The following BRINP3 variants were observed in gnomAD, a reference collection of about 807,000 sequenced individuals.
BRINP3 encodes the protein BMP/retinoic acid-inducible neural-specific protein 3.
A neutral mutation model predicts 71.0 loss-of-function variants in BRINP3; 19 were observed. The observed-to-expected ratio is 0.27, with a 90% CI of 0.19 to 0.39. BRINP3 has a LOEUF of 0.39. Ranked by LOEUF, BRINP3 falls within the 10% of genes least tolerant of loss-of-function variation. The pLI is 1.00. For synonymous variants in BRINP3, 380 were observed against 337.7 expected (o/e 1.13, Z -1.37); for missense variants, 959 against 940.8 (o/e 1.02, Z -0.25).
intron 6 of BRINP3, among the ~76,000 whole-genome samples, chr1:190,213,158 A>C (rs1213612117): frequency 1.3e-5 from 2 of 151,952 alleles, no homozygotes; most frequent in Admixed American, 6.6e-5. Flanking sequence ...TACCCAACAC[A>C]CTCAGATGTC....
chr1:190,139,166 C>A (rs376821604), intron 7 of BRINP3, among the ~76,000 whole-genome samples: 1 of 151,128 alleles, frequency 6.6e-6, no homozygotes, highest in African/African-American at 2.4e-5. Flanking sequence ...AAAAAATGAT[C>A]GGCCCGGAGC....
At chr1:190,381,672 A>G (rs1437679626) in intron 2 of BRINP3, among the ~76,000 whole-genome samples, 1 of 152,118 alleles carries the variant, frequency 6.6e-6, no homozygotes, top group Non-Finnish European at 1.5e-5. Context: ...TTAAATATCA[A>G]ATAATAATAA....
chr1:190,401,096 C>T (rs934993464), intron 2 of BRINP3, among the ~76,000 whole-genome samples: 11 of 152,192 alleles, frequency 7.2e-5, no homozygotes, highest in Admixed American at 5.2e-4. Context: ...GTGGCTCACC[C>T]CTGTAATCCC....
intron 4 of BRINP3, among the ~76,000 whole-genome samples, chr1:190,236,889 C>T (rs553546502): frequency 1.5e-4 from 23 of 151,982 alleles, no homozygotes; most frequent in South Asian, 2.1e-4. Flanking sequence ...TATAAACACA[C>T]ACACGCCTGC....
At position 190,462,902 on chromosome 1, in the gene BRINP3, G is replaced by T. The variant is rs182087536; in HGVS notation, c.-50-7962C>A. ...CTCAAGCTATTAAAAGCAAGCAAGT[G>T]TTCTGAGTAACTACATATTATGGGT... On this transcript the variant is annotated intron_variant, in intron 1 of 7. Transcript: ENST00000367462. Among the ~76,000 whole-genome samples, 23 of 152,154 alleles carry T rather than the reference G, an allele frequency of 1.5e-4. No individual in the cohort carries two copies. The East Asian group carries it at 4.4e-3, about 29-fold the overall frequency.
chr1:190,400,592 C>T (rs1671858568), intron 2 of BRINP3, among the ~76,000 whole-genome samples: 1 of 152,100 alleles, frequency 6.6e-6, no homozygotes, highest in African/African-American at 2.4e-5. Flanking sequence ...TGTTTTCTTC[C>T]ATGATTTTAT....
chr1:190,446,482 C>T (rs781031060), intron 2 of BRINP3, among the ~76,000 whole-genome samples: 1 of 151,964 alleles, frequency 6.6e-6, no homozygotes, highest in Non-Finnish European at 1.5e-5. Context: ...TAAGTAATTA[C>T]ACAATTTATG....
chr1:190,280,849 G>A (rs1662981686), intron 3 of BRINP3, among the ~76,000 whole-genome samples: 1 of 151,704 alleles, frequency 6.6e-6, no homozygotes, highest in Non-Finnish European at 1.5e-5. Context: ...ATGTAATTCT[G>A]GGATATTTTT....
chr1:190,306,955 A>G (rs1446474866), intron 2 of BRINP3, among the ~76,000 whole-genome samples: 2 of 151,998 alleles, frequency 1.3e-5, no homozygotes, highest in African/African-American at 4.8e-5. Flanking sequence ...AAAAATTACA[A>G]TTGACACTAC....
intron 2 of BRINP3, among the ~76,000 whole-genome samples, chr1:190,447,286 A>G (rs947719995): frequency 9.0e-6 from 1 of 111,680 alleles, no homozygotes; most frequent in African/African-American, 3.0e-5. Context: ...CCCTATATAT[A>G]TAGTGTAAAA....
At chr1:190,220,996 A>C (rs1481328950) in intron 6 of BRINP3, among the ~76,000 whole-genome samples, 1 of 152,078 alleles carries the variant, frequency 6.6e-6, no homozygotes, top group African/African-American at 2.4e-5. Context: ...TAGTATAAAA[A>C]TCTGTAAACA....
At chr1:190,174,528 C>T (rs771893420) in intron 6 of BRINP3, among the ~76,000 whole-genome samples, 26 of 151,864 alleles carry the variant, frequency 1.7e-4, no homozygotes, top group East Asian at 3.9e-4. Context: ...TATGTATAAA[C>T]GGCAAAACTC....
At chr1:190,231,599 CATTGAAAAAA>C (rs1280315639) in intron 5 of BRINP3, among the ~76,000 whole-genome samples, 2 of 151,632 alleles carry the variant, frequency 1.3e-5, no homozygotes, top group Non-Finnish European at 3.0e-5. Context: ...ACTCAGAAGG[CATTGAAAAAA>C]ATTGAAGTAT....
chr1:190,118,018 T>C (rs1191429642), intron 7 of BRINP3, among the ~76,000 whole-genome samples: 3 of 152,008 alleles, frequency 2.0e-5, no homozygotes, highest in Non-Finnish European at 4.4e-5. Context: ...TCACCAAAGG[T>C]TTGGTTAGAA....
chr1:190,370,833 ACTGT>A (rs574783123), intron 2 of BRINP3, among the ~76,000 whole-genome samples: 2 of 152,142 alleles, frequency 1.3e-5, no homozygotes, highest in African/African-American at 4.8e-5. Flanking sequence ...TTGACAATAG[ACTGT>A]CTAAGAGGTG....
At chr1:190,464,616 T>G (rs1218880071) in intron 1 of BRINP3, among the ~76,000 whole-genome samples, 1 of 152,002 alleles carries the variant, frequency 6.6e-6, no homozygotes, top group African/African-American at 2.4e-5. Flanking sequence ...TAAATATTTT[T>G]GGGCTGCTTT....
At chr1:190,336,966 A>G (rs997595454) in intron 2 of BRINP3, among the ~76,000 whole-genome samples, 1 of 151,734 alleles carries the variant, frequency 6.6e-6, no homozygotes, top group African/African-American at 2.4e-5. Context: ...AAATAACTAA[A>G]TAACTTTAGA....
At chr1:190,258,139 C>T (rs1230488948) in intron 4 of BRINP3, among the ~76,000 whole-genome samples, 2 of 152,204 alleles carry the variant, frequency 1.3e-5, no homozygotes, top group Non-Finnish European at 2.9e-5. Context: ...GGGGGCTCTG[C>T]CCAGTTCAAG....
In BRINP3 at chr1:190,342,614, C is replaced by G. The variant is rs556305224; in HGVS notation, c.237-60864G>C. ...GGATGTAAGATTTTTCTTCCTCTCT[C>G]ATGAGGGCTACTGTTGGCAACTGGG... On this transcript the variant is annotated intron_variant, in intron 2 of 7. Coordinates refer to ENST00000367462, the MANE Select transcript of BRINP3 (RefSeq NM_199051.3). 1.9e-4 allele frequency: 29 copies of G among 151,602 alleles called. No individual in the cohort carries two copies. In the South Asian group the frequency reaches 5.8e-3, roughly 30 times the overall value. 9.4% of individuals were successfully genotyped at this position (151,602 alleles called of 1,614,324 possible).
Sources: gnomAD v4.1 joint callset for allele counts (sites outside exome capture counted in the v4.1 genomes callset) on GRCh38, gnomAD v4.1.1 for gene constraint, MANE v1.5 for transcripts, NCBI Gene and HGNC (gene_info 2026-07-23, HGNC 2026-07-21) for gene names.